Variants in LINGO2 observed in about 807,000 individuals in gnomAD.
LINGO2 encodes leucine rich repeat and Ig domain containing 2.
Under a neutral mutation model 30.6 loss-of-function variants are expected in LINGO2, and 14 were observed. The observed-to-expected ratio is 0.46, with a 90% CI of 0.30 to 0.72. LINGO2 has a LOEUF of 0.72. Among genes scored for constraint, LINGO2 ranks in the 30% least tolerant of loss-of-function variants. The pLI is 0.07. For missense variants in LINGO2, 729 were observed against 751.7 expected (o/e 0.97, Z 0.35); for synonymous variants, 317 against 288.5 (o/e 1.10, Z -1.00).
the LINGO2 span, among the ~76,000 whole-genome samples, chr9:29,078,418 G>C: frequency 2.6e-3 from 391 of 152,028 alleles, 2 homozygotes; most frequent in African/African-American, 8.8e-3. Flanking sequence ...TTGTAAATTA[G>C]AAAATGAAAT....
chr9:28,302,750 A>T lies in LINGO2; in HGVS notation c.-245-7384T>A, dbSNP rs185307948. On this transcript the variant is annotated intron_variant, in intron 3 of 5. Transcript: ENST00000379992. ...AAAGTAACACAATATTCTAAAGAAG[A>T]GAGATGGGAAAATAATAAGTATTTG... 1.9e-3 allele frequency among the ~76,000 whole-genome samples: 285 copies of T among 152,302 alleles called. 1 individual carries two copies. Among genetic ancestry groups the T allele is most frequent in the African/African-American group, 6.3e-3 (263 of 41,582 alleles).
chr9:28,621,205 CATAG>C (rs1165034825), intron 1 of LINGO2, among the ~76,000 whole-genome samples: 2 of 151,694 alleles, frequency 1.3e-5, no homozygotes, highest in East Asian at 1.9e-4. Flanking sequence ...TATATATGTA[CATAG>C]ATAGGAATAA....
the LINGO2 span, among the ~76,000 whole-genome samples, chr9:28,939,085 C>A: frequency 2.0e-5 from 3 of 152,126 alleles, no homozygotes; most frequent in African/African-American, 7.2e-5. Context: ...AGCTCTATCC[C>A]TTTTATAGCT....
the LINGO2 span, among the ~76,000 whole-genome samples, chr9:28,963,427 C>T: frequency 1.3e-4 from 19 of 151,802 alleles, no homozygotes; most frequent in African/African-American, 4.3e-4. Flanking sequence ...AATTACTGAT[C>T]TATGAAAAGG....
At chr9:28,219,376 A>C (rs1820880905) in intron 4 of LINGO2, among the ~76,000 whole-genome samples, 2 of 152,178 alleles carry the variant, frequency 1.3e-5, no homozygotes, top group South Asian at 4.1e-4. Context: ...ATATTTCAAA[A>C]TGATGGATAT....
Position 28,323,238 on chromosome 9 carries a change from T to G in LINGO2, c.-245-27872A>C, listed in dbSNP as rs140512373. On this transcript the variant is annotated intron_variant, in intron 3 of 5. Transcript: ENST00000379992. ...AAATCTGTGGGCCTAATGGATTACC[T>G]ATAGCTCTCACATTCTGTAGGCAAA... Among the ~76,000 whole-genome samples the G allele has an allele frequency of 1.7e-3, 260 of 152,346 alleles. 5 individuals carry two copies. Among genetic ancestry groups the G allele is most frequent in the African/African-American group, 1.1e-3 (45 of 41,592 alleles).
the LINGO2 span, among the ~76,000 whole-genome samples, chr9:29,085,542 T>C: frequency 0.4 from 60,145 of 151,668 alleles, 12,254 homozygotes; most frequent in African/African-American, 0.49. Context: ...TATCTAAATT[T>C]GAGGGTCCAC....
chr9:29,087,629 C>T, the LINGO2 span, among the ~76,000 whole-genome samples: 2 of 152,112 alleles, frequency 1.3e-5, no homozygotes, highest in African/African-American at 4.8e-5. Flanking sequence ...TGTCTTATCT[C>T]TTAATCTTTT....
At chr9:28,149,060 T>A (rs2133540893) in intron 4 of LINGO2, 2 of 1,534,496 alleles carry the variant, frequency 1.3e-6, no homozygotes, top group South Asian at 1.2e-5. Context: ...TCCATGTCTA[T>A]CTCCTGAGGC....
At chr9:28,107,341 T>C (rs1826625855) in intron 4 of LINGO2, among the ~76,000 whole-genome samples, 1 of 152,176 alleles carries the variant, frequency 6.6e-6, no homozygotes, top group Admixed American at 6.5e-5. Flanking sequence ...AATTTCTAAA[T>C]CTTTATTTTG....
intron 5 of LINGO2, among the ~76,000 whole-genome samples, chr9:27,975,495 T>C (rs1210640807): frequency 6.6e-6 from 1 of 152,244 alleles, no homozygotes; most frequent in East Asian, 1.9e-4. Flanking sequence ...CACAATATGA[T>C]AACATGCTTA....
chr9:28,397,355 GTATA>G (rs3069833), intron 2 of LINGO2, among the ~76,000 whole-genome samples: 68 of 129,136 alleles, frequency 5.3e-4, no homozygotes, highest in East Asian at 2.6e-3. Context: ...ATGTTTTGAA[GTATA>G]TATATATATA....
At chr9:28,263,933 AC>A (rs1401593734) in intron 4 of LINGO2, among the ~76,000 whole-genome samples, 2 of 151,990 alleles carry the variant, frequency 1.3e-5, no homozygotes, top group African/African-American at 4.8e-5. Context: ...TATGTCTCCT[AC>A]GGTAATGAAT....
At chr9:28,017,325 G>A (rs1401108247) in intron 4 of LINGO2, among the ~76,000 whole-genome samples, 1 of 152,004 alleles carries the variant, frequency 6.6e-6, no homozygotes, top group African/African-American at 2.4e-5. Flanking sequence ...CATAGTACTG[G>A]AAGCCCTAGC....
the LINGO2 span, among the ~76,000 whole-genome samples, chr9:28,709,727 T>A: frequency 6.6e-6 from 1 of 151,938 alleles, no homozygotes; most frequent in African/African-American, 2.4e-5. Flanking sequence ...AAGTACTAAT[T>A]AAAATTATAT....
chr9:28,396,883 G>A, intron 2 of LINGO2, among the ~76,000 whole-genome samples: 1 of 151,956 alleles, frequency 6.6e-6, no homozygotes, highest in African/African-American at 2.4e-5. Flanking sequence ...TGAGGAGTGG[G>A]AGGTAAAATC....
At chr9:28,231,184 T>C (rs1204874007) in intron 4 of LINGO2, among the ~76,000 whole-genome samples, 1 of 151,642 alleles carries the variant, frequency 6.6e-6, no homozygotes, top group African/African-American at 2.4e-5. Flanking sequence ...ACTACCTTTA[T>C]GAACAAAGAA....
At chr9:28,364,470 C>A (rs151332361) in intron 3 of LINGO2, among the ~76,000 whole-genome samples, 179 of 152,244 alleles carry the variant, frequency 1.2e-3, no homozygotes, top group African/African-American at 4.0e-3. Context: ...AACAGCTTCA[C>A]TTGGTTCTGT....
chr9:28,255,413 G>A (rs1822350559), intron 4 of LINGO2, among the ~76,000 whole-genome samples: 1 of 151,994 alleles, frequency 6.6e-6, no homozygotes, highest in East Asian at 1.9e-4. Context: ...GACTTGCTAG[G>A]CTTGAAACCC....
Sources: gnomAD v4.1 joint callset for allele counts (sites outside exome capture counted in the v4.1 genomes callset) on GRCh38, gnomAD v4.1.1 for gene constraint, MANE v1.5 for transcripts, NCBI Gene and HGNC (gene_info 2026-07-23, HGNC 2026-07-21) for gene names.